Variants in CCDC157 observed in about 807,000 individuals in gnomAD.
CCDC157 encodes coiled-coil domain-containing protein 157.
A neutral mutation model predicts 70.9 loss-of-function variants in CCDC157; 60 were observed. The observed-to-expected ratio is 0.85, with a 90% confidence interval of 0.69 to 1.05. The LOEUF is 1.05. Ranked by LOEUF, CCDC157 falls within the 50% of genes least tolerant of loss-of-function variation. The pLI is 0.00. For synonymous variants in CCDC157, 373 were observed against 422.4 expected (o/e 0.88, Z 1.43); for missense variants, 943 against 984.2 (o/e 0.96, Z 0.56).
At chr22:30,371,872 A>G (rs1932964480) in intron 6 of CCDC157, 145 bp downstream of exon 6, 2 of 800,314 alleles carry the variant, frequency 2.5e-6, no homozygotes, top group Admixed American at 2.5e-5. Context: ...CAACCACACT[A>G]TTGGCGATGA....
rs752077002 is a variant in CCDC157, at chr22:30,369,277, G to T, written c.249-155G>T. On this transcript the variant is annotated intron_variant, in intron 3 of 11. Coordinates refer to ENST00000338306, the MANE Select transcript of CCDC157 (RefSeq NM_001017437.5). ...GGCTTCCCTGAGGAAGTAGCCCCTG[G>T]GTTAGGTTTGAAGCTGGCCCAGCAG... is the stretch of plus-strand genomic sequence containing the variant. The T allele has an allele frequency of 4.2e-5, 25 of 600,112 alleles. No individual in the cohort carries two copies. The African/African-American group carries it at 4.6e-4, about 11-fold the overall frequency. 37.2% of individuals were successfully genotyped at this position (600,112 alleles called of 1,614,324 possible).
At chr22:30,367,879 C>T (rs1049622352) in intron 3 of CCDC157, among the ~76,000 whole-genome samples, 4 of 152,094 alleles carry the variant, frequency 2.6e-5, no homozygotes, top group African/African-American at 4.8e-5. Flanking sequence ...GGTGAAACCC[C>T]GTCTCTACTA....
chr22:30,360,070 G>A (rs1480320735), intron 1 of CCDC157, among the ~76,000 whole-genome samples: 2 of 152,166 alleles, frequency 1.3e-5, no homozygotes, highest in Non-Finnish European at 2.9e-5. Context: ...CTTGAGCCCA[G>A]GAGTTAAAGG....
In CCDC157 at chr22:30,365,476, G is replaced by A. The variant is rs553104007; in HGVS notation, c.-11-514G>A. ...GTGGCCAGCATGACATGGTCCAATA[G>A]AGTTTCGTCCAAATCTCTGGAGCCG... On this transcript the variant is annotated intron_variant, in intron 2 of 11. Transcript: ENST00000338306. Among the ~76,000 whole-genome samples the A allele has an allele frequency of 2.1e-4, 32 of 152,266 alleles. No individual in the cohort carries two copies. The South Asian group carries it at 6.0e-3, about 29-fold the overall frequency.
intron 10 of CCDC157, 29 bp downstream of exon 10, chr22:30,375,692 A>G: frequency 6.3e-7 from 1 of 1,579,828 alleles, no homozygotes; most frequent in Non-Finnish European, 8.6e-7. Flanking sequence ...GCCCTTGGGG[A>G]CCAGGAGGAA....
intron 10 of CCDC157, 185 bp downstream of exon 10, chr22:30,375,848 C>T (rs751073528): frequency 3.9e-5 from 24 of 611,594 alleles, no homozygotes; most frequent in Non-Finnish European, 6.5e-5. Flanking sequence ...CGATGCCTTC[C>T]AGTCCCATAT....
At chr22:30,356,862 C>G (rs943301847), upstream of CCDC157, 8 of 1,235,712 alleles carry the variant, frequency 6.5e-6, no homozygotes, top group Admixed American at 1.7e-4. Context: ...ACAGCCTCCC[C>G]GCTCGGTCAG....
chr22:30,372,141 A>T lies in CCDC157; in HGVS notation c.1190A>T (p.Gln397Leu). 1.3e-6 allele frequency: 2 copies of T among 1,556,026 alleles called. No individual in the cohort carries two copies. The highest frequency in any genetic ancestry group is 8.7e-7 in the Non-Finnish European group (1 of 1,150,868). Residue 397 changes from glutamine (Q) to leucine (L), a missense_variant, in exon 7 of 12, where the codon CAG (glutamine) becomes CTG (leucine). Coordinates refer to ENST00000338306, the MANE Select transcript of CCDC157 (RefSeq NM_001017437.5). ...GCGGCAGCGGAGAGGCAGGTGCAGC[A>T]GCTGGAGGAGCAGGTGCAGCAGTTG... ...RRAAAERQVQ[Q>L]LEEQVQQLEA...
In CCDC157 at chr22:30,373,448, C is replaced by T. The variant is rs934675347; in HGVS notation, c.1336-149C>T. ...GCTTCCCCCGACCCCTACCCTTCCA[C>T]GCATGTGACCAGCATTCCCTAGACA... On this transcript the variant is annotated intron_variant, in intron 7 of 11. Transcript: ENST00000338306. 2.6e-5 allele frequency: 21 copies of T among 814,800 alleles called. 1 individual carries two copies. In the South Asian group the frequency reaches 2.7e-4, roughly 10 times the overall value. 50.5% of individuals were successfully genotyped at this position (814,800 alleles called of 1,614,324 possible).
chr22:30,371,760 A>G, intron 6 of CCDC157, 33 bp downstream of exon 6: 1 of 1,553,914 alleles, frequency 6.4e-7, no homozygotes, highest in Non-Finnish European at 8.9e-7. Context: ...CCCATGCCAC[A>G]TCTCAAGCCA....
chr22:30,356,857 C>G (rs987494555), upstream of CCDC157: 1 of 1,249,072 alleles, frequency 8.0e-7, no homozygotes, highest in East Asian at 3.2e-5. Context: ...TCAAGACAGC[C>G]TCCCCGCTCG....
At chr22:30,365,295 A>C (rs772488153) in intron 2 of CCDC157, among the ~76,000 whole-genome samples, 3 of 145,428 alleles carry the variant, frequency 2.1e-5, no homozygotes, top group Non-Finnish European at 3.0e-5. Context: ...CCTGGTGTGC[A>C]TGAGCTGCAA....
intron 1 of CCDC157, among the ~76,000 whole-genome samples, chr22:30,357,417 T>G (rs1569179439): frequency 6.6e-6 from 1 of 152,232 alleles, no homozygotes; most frequent in Non-Finnish European, 1.5e-5. Context: ...TGCCTTTTCT[T>G]GCTTCCATCC....
intron 7 of CCDC157, chr22:30,372,540 G>T (rs1933021518): frequency 2.3e-6 from 1 of 440,038 alleles, no homozygotes; most frequent in East Asian, 3.7e-5. Context: ...ATGAGCAGGT[G>T]TGCCACACTC....
At position 30,370,684 on chromosome 22, in the gene CCDC157, A is replaced by G; in HGVS notation, c.779A>G (p.Asp260Gly). The G allele has an allele frequency of 6.2e-7, 1 of 1,613,682 alleles. No homozygotes were observed. The highest frequency in any genetic ancestry group is 8.5e-7 in the Non-Finnish European group (1 of 1,179,892). Residue 260 changes from aspartate (D) to glycine (G), a missense_variant, in exon 5 of 12, where the codon GAC becomes GGC. Coordinates refer to ENST00000338306, the MANE Select transcript of CCDC157 (RefSeq NM_001017437.5). ...GGCCAGTTCCAGCAACTGGTGCAGG[A>G]CAGCATGGGGCTCAGGCCACTGCCG... is the stretch of plus-strand genomic sequence containing the variant. ...SLGQFQQLVQ[D>G]SMGLRPLPAA...
chr22:30,365,009 A>G (rs1932625205), intron 2 of CCDC157, among the ~76,000 whole-genome samples: 1 of 152,030 alleles, frequency 6.6e-6, no homozygotes, highest in South Asian at 2.1e-4. Context: ...AGCATCTACA[A>G]TGGGCCAGGT....
chr22:30,369,274 CT>C, intron 3 of CCDC157, 157 bp from the exon 4 acceptor site: 1 of 587,574 alleles, frequency 1.7e-6, no homozygotes, highest in Non-Finnish European at 2.6e-6. Flanking sequence ...GAAGTAGCCC[CT>C]GGGTTAGGTT....
intron 9 of CCDC157, chr22:30,374,720 G>GCTAT (rs1478040120): frequency 2.2e-6 from 1 of 456,606 alleles, no homozygotes; most frequent in Non-Finnish European, 4.4e-6. Context: ...TAGCCCCATA[G>GCTAT]CTATTTCCCA....
intron 5 of CCDC157, 195 bp downstream of exon 5, chr22:30,371,145 C>A (rs1932921772): frequency 1.5e-6 from 1 of 672,460 alleles, no homozygotes. Context: ...GATCTCAGTC[C>A]CACTGGGGCC....
Sources: gnomAD v4.1 joint callset for allele counts (sites outside exome capture counted in the v4.1 genomes callset) on GRCh38, gnomAD v4.1.1 for gene constraint, MANE v1.5 for transcripts, NCBI Gene and HGNC (gene_info 2026-07-23, HGNC 2026-07-21) for gene names.